TGS1: variants seen among roughly 807,000 people sequenced by gnomAD.
TGS1 encodes trimethylguanosine synthase 1, also known as trimethylguanosine synthase.
A neutral mutation model predicts 92.2 loss-of-function variants in TGS1; 69 were observed. The observed-to-expected ratio is 0.75, with a 90% confidence interval of 0.62 to 0.91. TGS1 has a LOEUF of 0.91. Ranked by LOEUF, TGS1 falls within the 40% of genes least tolerant of loss-of-function variation. The pLI is 0.00. For missense variants in TGS1, 1,062 were observed against 1,001.2 expected, an observed-to-expected ratio of 1.06 and a Z score of -0.82; for synonymous variants, 345 against 338.1, an observed-to-expected ratio of 1.02 and a Z score of -0.22.
intron 8 of TGS1, among the ~76,000 whole-genome samples, chr8:55,801,625 G>A (rs1812217859): frequency 9.3e-6 from 1 of 107,680 alleles, no homozygotes; most frequent in Non-Finnish European, 1.7e-5. Flanking sequence ...GTCTTGCTCT[G>A]TTGCCCAGGC....
At position 55,799,030 on chromosome 8, in the gene TGS1, C is replaced by T. The variant is rs1812138692; in HGVS notation, c.1659C>T (p.Asp553=). The T allele has an allele frequency of 2.5e-6, 4 of 1,614,066 alleles. 1 individual carries two copies. Among genetic ancestry groups the T allele is most frequent in the East Asian group, 4.5e-5 (2 of 44,898 alleles). Residue 553 remains aspartate (D), a synonymous_variant, in exon 8 of 13, where the codon GAC becomes GAT. Transcript: ENST00000260129. ...CAAGTAGTGATTCAGAGGAACAAGA[C>T]ATGTCTGTTAAAAAAGGTGATGACC... The part of the protein sequence containing the change: ...ASTSSDSEEQ[D]MSVKKGDDLL...
chr8:55,791,818 T>C (rs1389860589), intron 5 of TGS1, among the ~76,000 whole-genome samples: 2 of 152,224 alleles, frequency 1.3e-5, no homozygotes. Context: ...TTTATACACT[T>C]GTACACATAA....
chr8:55,789,505 T>G (rs1585764542), intron 4 of TGS1, among the ~76,000 whole-genome samples: 1 of 152,168 alleles, frequency 6.6e-6, no homozygotes, highest in East Asian at 1.9e-4. Context: ...TTTGTATAGA[T>G]TTGGGCAGCT....
intron 12 of TGS1, among the ~76,000 whole-genome samples, chr8:55,814,736 G>T (rs541332720): frequency 6.8e-6 from 1 of 148,006 alleles, no homozygotes; most frequent in African/African-American, 2.5e-5. Flanking sequence ...GGGCATGGTG[G>T]CGGCGTGCCT....
At chr8:55,808,593 T>G (rs1803248830) in intron 10 of TGS1, among the ~76,000 whole-genome samples, 1 of 151,282 alleles carries the variant, frequency 6.6e-6, no homozygotes, top group African/African-American at 2.4e-5. Flanking sequence ...ACTACAACCT[T>G]CACCTCCTGG....
rs948404445 is a variant in TGS1, at chr8:55,773,508, C to T, written c.-111C>T. 1 of 749,556 alleles carries T rather than the reference C, an allele frequency of 1.3e-6. No individual in the cohort carries two copies. 46.4% of individuals were successfully genotyped at this position (749,556 alleles called of 1,614,324 possible). On this transcript the variant is annotated 5_prime_UTR_variant, in exon 1 of 13. Coordinates refer to ENST00000260129, the MANE Select transcript of TGS1 (RefSeq NM_024831.8). ...AGCGGCCGCGGGCCAGTTTCTATCTCCTCATCCAGGGCTTGCGGGCGAGGC... is the reference window on the plus strand; with the variant it reads ...AGCGGCCGCGGGCCAGTTTCTATCTTCTCATCCAGGGCTTGCGGGCGAGGC...
At chr8:55,791,914 C>A (rs747371777) in intron 5 of TGS1, among the ~76,000 whole-genome samples, 2 of 152,148 alleles carry the variant, frequency 1.3e-5, no homozygotes, top group African/African-American at 4.8e-5. Flanking sequence ...CGTTACTGAA[C>A]TTGGAAGTTA....
At chr8:55,812,999 T>C (rs540845099) in intron 11 of TGS1, 41 bp from the exon 12 acceptor site, 1 of 1,343,052 alleles carries the variant, frequency 7.4e-7, no homozygotes, top group East Asian at 2.3e-5. Context: ...TGATTAGAAA[T>C]TAGCTGCTGT....
chr8:55,815,041 C>G (rs574595810), intron 12 of TGS1, among the ~76,000 whole-genome samples: 6 of 152,038 alleles, frequency 3.9e-5, no homozygotes, highest in African/African-American at 7.2e-5. Flanking sequence ...ATCGTCTCAT[C>G]AGAGACGATG....
At chr8:55,809,825 G>A (rs1328373316) in intron 10 of TGS1, among the ~76,000 whole-genome samples, 1 of 152,134 alleles carries the variant, frequency 6.6e-6, no homozygotes, top group Non-Finnish European at 1.5e-5. Flanking sequence ...GATGAAAATA[G>A]GATTAACTGA....
intron 7 of TGS1, among the ~76,000 whole-genome samples, chr8:55,797,852 C>T (rs1424785036): frequency 6.6e-6 from 1 of 152,054 alleles, no homozygotes; most frequent in Non-Finnish European, 1.5e-5. Context: ...ACTCTTTTTC[C>T]CCTCAATACA....
At chr8:55,802,299 C>T (rs1037682002) in intron 8 of TGS1, among the ~76,000 whole-genome samples, 158 bp from the exon 9 acceptor site, 2 of 152,176 alleles carry the variant, frequency 1.3e-5, no homozygotes, top group Admixed American at 1.3e-4. Flanking sequence ...TGATTGAAGC[C>T]AGTGGCGTTT....
chr8:55,773,467 G>C lies in TGS1; in HGVS notation c.-152G>C. The C allele has an allele frequency of 1.8e-6, 1 of 555,072 alleles. No individual in the cohort carries two copies. The highest frequency in any genetic ancestry group is 3.1e-6 in the Non-Finnish European group (1 of 324,506). The allele number at this position is 555,072 out of a possible 1,614,324, so 34.4% of individuals were successfully genotyped here. ...AGCCACTTCCGGCGGCAGCGTCCGG[G>C]CTAGTTCCCGGCGCGAGCGGCCGCG... On this transcript the variant is annotated 5_prime_UTR_variant, in exon 1 of 13. Coordinates refer to ENST00000260129, the MANE Select transcript of TGS1 (RefSeq NM_024831.8).
intron 12 of TGS1, among the ~76,000 whole-genome samples, chr8:55,821,914 TA>T (rs1436000984): frequency 2.0e-4 from 29 of 145,762 alleles, no homozygotes; most frequent in Non-Finnish European, 3.7e-4. Context: ...ATAGTACCTT[TA>T]TTTTTTTTTT....
Position 55,821,612 on chromosome 8 carries a change from G to A in TGS1, c.2440-2969G>A, listed in dbSNP as rs553853893. On this transcript the variant is annotated intron_variant, in intron 12 of 12. Transcript: ENST00000260129. Reference sequence around the variant, plus strand: ...CCATCGGCCAGGCACGGTGGTTCACGCCTGTAATCCCAGCACTTTGGGAGG... The same window carrying A: ...CCATCGGCCAGGCACGGTGGTTCACACCTGTAATCCCAGCACTTTGGGAGG... 2.0e-4 allele frequency among the ~76,000 whole-genome samples: 31 copies of A among 152,060 alleles called. 1 individual carries two copies. Among genetic ancestry groups the A allele is most frequent in the East Asian group, 3.9e-4 (2 of 5,190 alleles).
chr8:55,814,678 T>A (rs866238309), intron 12 of TGS1, among the ~76,000 whole-genome samples: 3,200 of 133,742 alleles, frequency 0.024, 52 homozygotes, highest in Non-Finnish European at 0.033. Context: ...AAAAAAAATA[T>A]ATATATATAT....
At chr8:55,820,530 T>C (rs992831225) in intron 12 of TGS1, among the ~76,000 whole-genome samples, 1 of 152,100 alleles carries the variant, frequency 6.6e-6, no homozygotes, top group Non-Finnish European at 1.5e-5. Flanking sequence ...AGAGCCAGAC[T>C]CGTCTCAAAA....
chr8:55,781,113 G>A (rs1811548710), intron 1 of TGS1, among the ~76,000 whole-genome samples: 1 of 152,240 alleles, frequency 6.6e-6, no homozygotes, highest in African/African-American at 2.4e-5. Context: ...TTAGTAGAGA[G>A]AGTTGAGCAG....
chr8:55,776,189 T>G (rs1467058764), intron 1 of TGS1, among the ~76,000 whole-genome samples: 1 of 151,822 alleles, frequency 6.6e-6, no homozygotes, highest in Non-Finnish European at 1.5e-5. Context: ...GGATCGTGAT[T>G]GATTGAGCAA....
Sources: gnomAD v4.1 joint callset for allele counts (sites outside exome capture counted in the v4.1 genomes callset) on GRCh38, gnomAD v4.1.1 for gene constraint, MANE v1.5 for transcripts, NCBI Gene and HGNC (gene_info 2026-07-23, HGNC 2026-07-21) for gene names.